The following DMD variants were observed in gnomAD, a reference collection of about 807,000 sequenced individuals.
DMD encodes dystrophin, also known as mutant dystrophin.
Under a neutral mutation model 330.1 loss-of-function variants are expected in DMD, and 63 were observed. The ratio of observed to expected loss-of-function variants is 0.19; its 90% confidence interval spans 0.16 to 0.24. DMD has a LOEUF of 0.24. DMD is among the 10% of genes least tolerant of loss of function. DMD has a pLI of 1.00. For synonymous variants in DMD, 1,223 were observed against 959.8 expected, an observed-to-expected ratio of 1.27 and a Z score of -5.07; for missense variants, 3,344 against 2,684.1, an observed-to-expected ratio of 1.25 and a Z score of -5.43.
At chrX:33,315,447 C>CTACAAACTCCAA (rs1369715212) in intron 1 of DMD, among the ~76,000 whole-genome samples, 6 of 111,837 alleles carry the variant, frequency 5.4e-5, no homozygotes, top group African/African-American at 1.6e-4. Context: ...TCCATGCCTA[C>CTACAAACTCCAA]TACAAACTCC....
chrX:32,081,876 T>TAAC (rs1364474656), intron 44 of DMD, among the ~76,000 whole-genome samples: 1 of 109,964 alleles, frequency 9.1e-6, no homozygotes, highest in African/African-American at 3.3e-5. Flanking sequence ...ATAATAATAA[T>TAAC]AACAACAAAT....
In DMD at chrX:32,980,202, C is replaced by T. The variant is rs1315757289; in HGVS notation, c.93+39937G>A. Among the ~76,000 whole-genome samples the T allele has an allele frequency of 6.5e-5, 7 of 107,542 alleles. No individual in the cohort carries two copies. In the Admixed American group the frequency reaches 7.0e-4, roughly 11 times the overall value. 93.4% of individuals were successfully genotyped at this position (107,542 alleles called of 115,157 possible). A position where few individuals can be genotyped will look rare whatever the true frequency, so the allele number is the denominator to read the frequency against. On this transcript the variant is annotated intron_variant, in intron 2 of 78. Transcript: ENST00000357033. ...CCAACGTGGTGAAACTCCGTCTCTA[C>T]TAAAAACAGAAAAATTAGGCTGGTG...
intron 17 of DMD, among the ~76,000 whole-genome samples, chrX:32,528,063 C>CT (rs2047084903): frequency 8.9e-6 from 1 of 112,312 alleles, no homozygotes; most frequent in Admixed American, 9.4e-5. Flanking sequence ...AATTCCAGCA[C>CT]TTTGAGAGGC....
At chrX:32,138,496 T>C (rs763710347) in intron 44 of DMD, among the ~76,000 whole-genome samples, 2 of 112,349 alleles carry the variant, frequency 1.8e-5, no homozygotes, top group Non-Finnish European at 3.8e-5. Context: ...TCTACTTGCA[T>C]GTGAGTTCTG....
chrX:32,755,668 T>C (rs1463984834), intron 7 of DMD, among the ~76,000 whole-genome samples: 1 of 112,370 alleles, frequency 8.9e-6, no homozygotes, highest in East Asian at 2.8e-4. Context: ...ATAAGTTAAA[T>C]AGCAATAAAA....
chrX:32,719,388 G>T (rs929206138), intron 7 of DMD, among the ~76,000 whole-genome samples: 1 of 111,427 alleles, frequency 9.0e-6, no homozygotes, highest in South Asian at 3.7e-4. Context: ...TTATCAATTT[G>T]TTTCTCTGTG....
At chrX:31,361,442 C>A (rs5927737) in intron 60 of DMD, among the ~76,000 whole-genome samples, 3 of 109,818 alleles carry the variant, frequency 2.7e-5, no homozygotes, top group Non-Finnish European at 5.7e-5. Context: ...GCAGCTGAGA[C>A]GAATTAGAGA....
intron 44 of DMD, among the ~76,000 whole-genome samples, chrX:32,165,185 C>T (rs1002613216): frequency 1.8e-5 from 2 of 112,283 alleles, no homozygotes; most frequent in Non-Finnish European, 3.8e-5. Context: ...TCCACCAGAC[C>T]CCACAATGGT....
In DMD at chrX:32,999,204, G is replaced by A. The variant is rs765523008; in HGVS notation, c.93+20935C>T. Among the ~76,000 whole-genome samples the A allele has an allele frequency of 1.3e-4, 15 of 112,590 alleles. No individual in the cohort carries two copies. The South Asian group carries it at 5.1e-3, about 38-fold the overall frequency. ...GCTTTGAAGCAAGCTTGTCCAACCC[G>A]CAGCCTACAGGCTGCATGAGGCCCA... On this transcript the variant is annotated intron_variant, in intron 2 of 78. Coordinates refer to ENST00000357033, the MANE Select transcript of DMD (RefSeq NM_004006.3).
chrX:32,151,365 T>G (rs1203231796), intron 44 of DMD: 2 of 111,383 alleles, frequency 1.8e-5, no homozygotes, highest in Non-Finnish European at 3.8e-5. Flanking sequence ...TATACTTGTT[T>G]AAAAACCAGA....
chrX:31,388,061 A>G (rs1744279727), intron 60 of DMD, among the ~76,000 whole-genome samples: 1 of 104,516 alleles, frequency 9.6e-6, no homozygotes, highest in Non-Finnish European at 2.0e-5. Flanking sequence ...GTGCAGTGGC[A>G]CGATCTCGGC....
chrX:32,271,671 A>T (rs1356793349), intron 43 of DMD, among the ~76,000 whole-genome samples: 1 of 112,506 alleles, frequency 8.9e-6, no homozygotes. Flanking sequence ...TTTCACCAGA[A>T]TGTTATACTG....
chrX:31,518,936 C>T (rs1234370056), intron 55 of DMD, among the ~76,000 whole-genome samples: 1 of 111,662 alleles, frequency 9.0e-6, no homozygotes, highest in Admixed American at 9.5e-5. Flanking sequence ...CAAGTGACTT[C>T]TGACTTGGGC....
chrX:32,882,649 C>T (rs1271884918), intron 2 of DMD, among the ~76,000 whole-genome samples: 3 of 112,271 alleles, frequency 2.7e-5, no homozygotes, highest in African/African-American at 9.7e-5. Flanking sequence ...TATGTGCATT[C>T]TTTCTGTAGA....
intron 29 of DMD, among the ~76,000 whole-genome samples, chrX:32,414,517 A>G (rs764876526): frequency 5.4e-5 from 6 of 112,020 alleles, no homozygotes; most frequent in Non-Finnish European, 1.1e-4. Context: ...TTTACTTTAG[A>G]CTATCAACTC....
At chrX:33,240,892 T>C (rs1188260497) in intron 1 of DMD, among the ~76,000 whole-genome samples, 2 of 112,111 alleles carry the variant, frequency 1.8e-5, no homozygotes, top group Non-Finnish European at 3.8e-5. Flanking sequence ...CTTTTGCTCA[T>C]TTTTAATTGG....
intron 11 of DMD, among the ~76,000 whole-genome samples, chrX:32,634,166 G>C: frequency 9.0e-6 from 1 of 111,730 alleles, no homozygotes; most frequent in Non-Finnish European, 1.9e-5. Context: ...AGAGAGTACT[G>C]TCTGAGGTCC....
chrX:32,875,044 CAGATAAAA>C (rs2083275117), intron 2 of DMD, among the ~76,000 whole-genome samples: 1 of 112,015 alleles, frequency 8.9e-6, no homozygotes, highest in African/African-American at 3.2e-5. Flanking sequence ...TTCACAAAAT[CAGATAAAA>C]AGATAAAAGA....
At chrX:32,627,647 G>A (rs1352994684) in intron 11 of DMD, among the ~76,000 whole-genome samples, 1 of 110,696 alleles carries the variant, frequency 9.0e-6, no homozygotes, top group South Asian at 3.8e-4. Context: ...TCACAATCAT[G>A]CAATATTGCC....
Sources: allele counts gnomAD v4.1 joint callset (sites outside exome capture counted in the v4.1 genomes callset), GRCh38; gene constraint gnomAD v4.1.1; transcripts MANE v1.5; gene names NCBI Gene and HGNC (gene_info 2026-07-23, HGNC 2026-07-21).